ITGBL1: variants seen among roughly 807,000 people sequenced by gnomAD.
ITGBL1 encodes the protein integrin beta-like protein 1.
A neutral mutation model predicts 68.5 loss-of-function variants in ITGBL1; 51 were observed. The observed-to-expected ratio is 0.74, with a 90% confidence interval of 0.59 to 0.94. The LOEUF is 0.94. Among genes scored for constraint, ITGBL1 ranks in the 40% least tolerant of loss-of-function variants. The pLI, the probability that ITGBL1 is intolerant of heterozygous loss-of-function variation, is 0.00. For missense variants in ITGBL1, 649 were observed against 647.4 expected (o/e 1.00, Z -0.03); for synonymous variants, 209 against 227.3 (o/e 0.92, Z 0.72).
intron 7 of ITGBL1, among the ~76,000 whole-genome samples, chr13:101,631,239 A>C (rs2031967999): frequency 6.6e-6 from 1 of 152,192 alleles, no homozygotes; most frequent in South Asian, 2.1e-4. Context: ...TCTTATAGTT[A>C]GTAAATATCT....
At chr13:101,587,487 T>G (rs2050576759) in intron 6 of ITGBL1, among the ~76,000 whole-genome samples, 1 of 152,068 alleles carries the variant, frequency 6.6e-6, no homozygotes, top group African/African-American at 2.4e-5. Flanking sequence ...GTGTCCCGAC[T>G]GTCCTGTTTG....
chr13:101,709,833 G>A (rs1312077356), intron 9 of ITGBL1, among the ~76,000 whole-genome samples: 2 of 152,204 alleles, frequency 1.3e-5, no homozygotes, highest in Non-Finnish European at 2.9e-5. Context: ...AACACACAAA[G>A]CCATACCCTC....
intron 2 of ITGBL1, among the ~76,000 whole-genome samples, chr13:101,489,784 T>G (rs1255207693): frequency 6.6e-6 from 1 of 152,124 alleles, no homozygotes; most frequent in African/African-American, 2.4e-5. Flanking sequence ...CTGCTTGGGA[T>G]GAGGTCATTG....
At chr13:101,710,838 A>C (rs537437198) in intron 9 of ITGBL1, 1 of 152,302 alleles carries the variant, frequency 6.6e-6, no homozygotes, top group African/African-American at 2.4e-5. Context: ...TTCTTTACAA[A>C]TTTATAGCCA....
intron 2 of ITGBL1, among the ~76,000 whole-genome samples, chr13:101,548,094 T>C (rs2049859444): frequency 6.6e-6 from 1 of 151,826 alleles, no homozygotes; most frequent in Non-Finnish European, 1.5e-5. Flanking sequence ...ATAAAACTTT[T>C]AAGAATAAGT....
At chr13:101,714,317 C>T (rs2034616813) in intron 9 of ITGBL1, 121 bp from the exon 10 acceptor site, 2 of 696,164 alleles carry the variant, frequency 2.9e-6, no homozygotes, top group Non-Finnish European at 5.2e-6. Flanking sequence ...CCATTCAATA[C>T]ACTTTTACCT....
intron 8 of ITGBL1, among the ~76,000 whole-genome samples, chr13:101,694,606 A>C (rs1359656428): frequency 6.7e-6 from 1 of 148,854 alleles, no homozygotes; most frequent in Non-Finnish European, 1.5e-5. Flanking sequence ...TTTTGTGGAG[A>C]TTTGGGGGTC....
chr13:101,645,540 G>A (rs1419445903), intron 7 of ITGBL1, among the ~76,000 whole-genome samples: 1 of 152,070 alleles, frequency 6.6e-6, no homozygotes, highest in Non-Finnish European at 1.5e-5. Flanking sequence ...TCATTATATT[G>A]TATAGGCAAC....
At chr13:101,632,654 C>A (rs2032025007) in intron 7 of ITGBL1, among the ~76,000 whole-genome samples, 1 of 152,096 alleles carries the variant, frequency 6.6e-6, no homozygotes, top group Non-Finnish European at 1.5e-5. Flanking sequence ...ATAAAGACAA[C>A]AATATGGATT....
intron 2 of ITGBL1, among the ~76,000 whole-genome samples, chr13:101,537,437 A>C (rs1485333716): frequency 6.6e-6 from 1 of 152,042 alleles, no homozygotes; most frequent in Non-Finnish European, 1.5e-5. Context: ...GAAGGCTTTG[A>C]ACTCAGTCAT....
At chr13:101,506,605 C>A (rs556507614) in intron 2 of ITGBL1, among the ~76,000 whole-genome samples, 7 of 152,174 alleles carry the variant, frequency 4.6e-5, no homozygotes, top group African/African-American at 1.7e-4. Context: ...CTCTACCAAC[C>A]GTCACCTGCA....
rs370032617 is a variant in ITGBL1 at position 101,572,981 on chromosome 13, G to A, written c.464-2443G>A. ...GAAAACATATGACACAAAGGCTTTT[G>A]CAATAGACTTGTGGCAAATGCTATA... On this transcript the variant is annotated intron_variant, in intron 3 of 10. Coordinates refer to ENST00000376180, the MANE Select transcript of ITGBL1 (RefSeq NM_004791.3). Among the ~76,000 whole-genome samples, 51 of 152,164 alleles carry A rather than the reference G, an allele frequency of 3.4e-4. No homozygotes were observed. In the East Asian group the frequency reaches 7.9e-3, roughly 24 times the overall value.
In ITGBL1 at chr13:101,530,932, C is replaced by A. The variant is rs141460622; in HGVS notation, c.317-36767C>A. 2.0e-5 allele frequency among the ~76,000 whole-genome samples: 3 copies of A among 152,226 alleles called. No individual in the cohort carries two copies. In the East Asian group the frequency reaches 5.8e-4, roughly 29 times the overall value. The stretch of plus-strand genomic sequence containing the variant: ...CTTAGTGTCTGGTTGGGTCTAGATT[C>A]ATCTTAAAAAATCACTAAGAAAAGT... On this transcript the variant is annotated intron_variant, in intron 2 of 10. Coordinates refer to ENST00000376180, the MANE Select transcript of ITGBL1 (RefSeq NM_004791.3).
intron 2 of ITGBL1, among the ~76,000 whole-genome samples, chr13:101,488,752 TTG>T (rs1353066283): frequency 6.6e-6 from 1 of 152,190 alleles, no homozygotes; most frequent in African/African-American, 2.4e-5. Flanking sequence ...ATGGAATTTT[TTG>T]TTTATGTGTG....
chr13:101,692,541 C>G, intron 7 of ITGBL1, 44 bp from the exon 8 acceptor site: 1 of 1,317,084 alleles, frequency 7.6e-7, no homozygotes, highest in East Asian at 2.3e-5. Flanking sequence ...CTTAGTGATT[C>G]CGGGACTCTC....
In ITGBL1 at chr13:101,543,986, C is replaced by T. The variant is rs1391761405; in HGVS notation, c.317-23713C>T. On this transcript the variant is annotated intron_variant, in intron 2 of 10. Transcript: ENST00000376180. ...TTTTTCGAGGTTTTTAACTTCTTTG[C>T]CATGGGTTCGAACTTCCTCCTTTAG... 2.0e-5 allele frequency among the ~76,000 whole-genome samples: 3 copies of T among 152,100 alleles called. 1 individual carries two copies. The highest frequency in any genetic ancestry group is 4.1e-4 in the South Asian group (2 of 4,830).
At chr13:101,603,861 A>G (rs1313972529) in intron 7 of ITGBL1, among the ~76,000 whole-genome samples, 1 of 151,912 alleles carries the variant, frequency 6.6e-6, no homozygotes, top group African/African-American at 2.4e-5. Context: ...AGGTACAGTG[A>G]TTTTTACTGT....
At chr13:101,592,584 G>A (rs2050673302) in intron 6 of ITGBL1, among the ~76,000 whole-genome samples, 2 of 151,954 alleles carry the variant, frequency 1.3e-5, no homozygotes. Flanking sequence ...CACTACCTAA[G>A]GTGATCTACA....
intron 7 of ITGBL1, among the ~76,000 whole-genome samples, chr13:101,629,887 A>G (rs1285916425): frequency 6.6e-6 from 1 of 152,078 alleles, no homozygotes; most frequent in Non-Finnish European, 1.5e-5. Flanking sequence ...CAGTGACACA[A>G]CCTCGGCTCA....
Sources: gnomAD v4.1 joint callset for allele counts (sites outside exome capture counted in the v4.1 genomes callset) on GRCh38, gnomAD v4.1.1 for gene constraint, MANE v1.5 for transcripts, NCBI Gene and HGNC (gene_info 2026-07-23, HGNC 2026-07-21) for gene names.